The following ADSS2 variants were observed in gnomAD, a reference collection of about 807,000 sequenced individuals.
ADSS2 encodes adenylosuccinate synthase 2.
Under a neutral mutation model 60.0 loss-of-function variants are expected in ADSS2, and 30 were observed. That is an observed-to-expected ratio of 0.50 (90% CI 0.37 to 0.68). The LOEUF (loss-of-function observed/expected upper bound fraction) is 0.68, where lower values mean the gene tolerates loss of function less well. ADSS2 is among the 30% of genes least tolerant of loss of function. The probability of loss-of-function intolerance (pLI) is 0.00; values close to 1 mark genes in which losing one functional copy is unlikely to be tolerated. For synonymous variants in ADSS2, 187 were observed against 193.1 expected (o/e 0.97, Z 0.26); for missense variants, 373 against 554.8 (o/e 0.67, Z 3.29).
At chr1:244,451,959 C>T (rs1252695382), upstream of ADSS2, 2 of 867,068 alleles carry the variant, frequency 2.3e-6, no homozygotes, top group South Asian at 2.0e-5. The surrounding 1 kb of genome is among the most constrained non-coding windows in gnomAD (Gnocchi z 6.6). Flanking sequence ...GGGCCGCCAC[C>T]CTCCAGCCAG....
At chr1:244,420,407 T>C (rs780893723) in intron 7 of ADSS2, 111 bp from the exon 8 acceptor site, 144 of 930,930 alleles carry the variant, frequency 1.5e-4, no homozygotes, top group African/African-American at 1.8e-4. Flanking sequence ...AAACGCAAAG[T>C]AGAAAAGGGC....
In ADSS2 at chr1:244,409,546, C is replaced by G; in HGVS notation, c.*40G>C. The G allele has an allele frequency of 6.7e-7, 1 of 1,483,120 alleles. No individual in the cohort carries two copies. Among genetic ancestry groups the G allele is most frequent in the Non-Finnish European group, 9.4e-7 (1 of 1,069,276 alleles). The allele number at this position is 1,483,120 out of a possible 1,614,324, so 91.9% of individuals were successfully genotyped here. A position where few individuals can be genotyped will look rare whatever the true frequency, so the allele number is the denominator to read the frequency against. ...TGAAATATTTAAGAAAGTCTTTTCC[C>G]CTCCCTCTCAAGGAGTGTTTCTTGC... On this transcript the variant is annotated 3_prime_UTR_variant, in exon 13 of 13. Coordinates refer to ENST00000366535, the MANE Select transcript of ADSS2 (RefSeq NM_001126.5).
rs1045684039 is a variant in ADSS2, at chr1:244,420,036, C to A, written c.790+134G>T. 3.0e-5 allele frequency: 28 copies of A among 919,048 alleles called. No homozygotes were observed. The East Asian group carries it at 7.2e-4, about 23-fold the overall frequency. The allele number at this position is 919,048 out of a possible 1,614,324, so 56.9% of individuals were successfully genotyped here. Reference sequence around the variant, plus strand: ...CTTTAAAAAGAGTGCCACAAGATGACAAATTTCATCATTCCTGAATATACA... The same window carrying A: ...CTTTAAAAAGAGTGCCACAAGATGAAAAATTTCATCATTCCTGAATATACA... On this transcript the variant is annotated intron_variant, in intron 8 of 12. Coordinates refer to ENST00000366535, the MANE Select transcript of ADSS2 (RefSeq NM_001126.5).
At chr1:244,416,931 TAACA>T (rs1455306878) in intron 10 of ADSS2, among the ~76,000 whole-genome samples, 1 of 152,202 alleles carries the variant, frequency 6.6e-6, no homozygotes, top group Non-Finnish European at 1.5e-5. Context: ...AGAAATTAGA[TAACA>T]AACTAAATTT....
intron 11 of ADSS2, among the ~76,000 whole-genome samples, chr1:244,413,726 A>G (rs1240441217): frequency 6.6e-6 from 1 of 152,112 alleles, no homozygotes; most frequent in East Asian, 1.9e-4. Flanking sequence ...GGCTTACCAG[A>G]CCTCAGCTGC....
chr1:244,437,677 G>T lies in ADSS2; in HGVS notation c.275C>A (p.Thr92Asn). 6.3e-7 allele frequency: 1 copy of T among 1,584,510 alleles called. No individual in the cohort carries two copies. ...GTTTATATACTTACCAATGAATGCA[G>T]TGACATTTGGATTAATTATTCCACT... ...LPSGIINPNV[T>N]AFIGNGVVIH... is the part of the protein sequence containing the mutation. Residue 92 changes from threonine (T) to asparagine (N), a missense_variant, in exon 2 of 13, where the codon ACT (threonine) becomes AAT (asparagine). Physicochemically the swap from Thr to Asn is moderately conservative, Grantham distance 65. Coordinates refer to ENST00000366535, the MANE Select transcript of ADSS2 (RefSeq NM_001126.5).
chr1:244,446,308 A>G (rs944793501), intron 1 of ADSS2, among the ~76,000 whole-genome samples: 1 of 152,246 alleles, frequency 6.6e-6, no homozygotes, highest in Non-Finnish European at 1.5e-5. Flanking sequence ...TCATGAAAGC[A>G]TTCACATAAC....
intron 3 of ADSS2, among the ~76,000 whole-genome samples, chr1:244,434,747 A>G (rs139517169): frequency 6.6e-6 from 1 of 152,328 alleles, no homozygotes; most frequent in Non-Finnish European, 1.5e-5. Context: ...AGATGAGAGC[A>G]GAGAGCAGCA....
chr1:244,449,466 T>C (rs1665477242), intron 1 of ADSS2, among the ~76,000 whole-genome samples: 1 of 152,206 alleles, frequency 6.6e-6, no homozygotes, highest in African/African-American at 2.4e-5. Context: ...TGTCTTACTG[T>C]TGATTTTTTC....
chr1:244,415,927 G>T, intron 11 of ADSS2, 54 bp downstream of exon 11: 1 of 1,286,914 alleles, frequency 7.8e-7, no homozygotes, highest in Non-Finnish European at 1.1e-6. Flanking sequence ...TTATGAAACT[G>T]CTCTAATACA....
At chr1:244,431,152 T>C (rs1016971799) in intron 4 of ADSS2, among the ~76,000 whole-genome samples, 2 of 152,144 alleles carry the variant, frequency 1.3e-5, no homozygotes, top group Admixed American at 1.3e-4. Flanking sequence ...CTCTATTGCT[T>C]CCTATATTAT....
chr1:244,421,612 T>C (rs540278436), intron 7 of ADSS2, among the ~76,000 whole-genome samples: 9 of 152,324 alleles, frequency 5.9e-5, no homozygotes, highest in Admixed American at 2.6e-4. Context: ...ACATATAAAA[T>C]GGAATTGAAA....
At chr1:244,429,819 T>C (rs943980737) in intron 4 of ADSS2, among the ~76,000 whole-genome samples, 5 of 151,800 alleles carry the variant, frequency 3.3e-5, no homozygotes, top group African/African-American at 9.7e-5. Flanking sequence ...GAGGTGGAGG[T>C]TGTAGTGAAC....
intron 1 of ADSS2, among the ~76,000 whole-genome samples, chr1:244,445,418 A>G (rs1385686251): frequency 6.6e-6 from 1 of 152,230 alleles, no homozygotes; most frequent in Admixed American, 6.5e-5. Context: ...GAGGAATGAT[A>G]TAATAGTATT....
intron 1 of ADSS2, among the ~76,000 whole-genome samples, chr1:244,447,860 A>C (rs1258203497): frequency 3.9e-5 from 6 of 152,228 alleles, no homozygotes; most frequent in Non-Finnish European, 8.8e-5. Context: ...TGATCTTGCC[A>C]CCCAGAATAC....
intron 4 of ADSS2, 169 bp from the exon 5 acceptor site, chr1:244,424,556 T>C: frequency 1.9e-6 from 1 of 532,810 alleles, no homozygotes; most frequent in Non-Finnish European, 3.3e-6. Context: ...AACTAGTACA[T>C]TAATATGAAA....
intron 6 of ADSS2, 64 bp downstream of exon 6, chr1:244,423,889 C>A: frequency 7.4e-7 from 1 of 1,354,360 alleles, no homozygotes; most frequent in Admixed American, 2.1e-5. Context: ...ATTTTGCACC[C>A]TAGATTTTAA....
At chr1:244,420,364 T>G in intron 7 of ADSS2, 68 bp from the exon 8 acceptor site, 1 of 1,383,834 alleles carries the variant, frequency 7.2e-7, no homozygotes, top group Non-Finnish European at 9.8e-7. Context: ...AGAACAAGAA[T>G]AAATTACCTG....
intron 8 of ADSS2, chr1:244,419,180 G>A (rs957891705): frequency 3.5e-6 from 1 of 288,972 alleles, no homozygotes; most frequent in East Asian, 5.9e-5. Context: ...CTTTATAGCA[G>A]CTACTCACTT....
Sources: gnomAD v4.1 joint callset for allele counts (sites outside exome capture counted in the v4.1 genomes callset) on GRCh38, gnomAD v4.1.1 for gene constraint, Gnocchi (gnomAD v3.1) non-coding constraint, MANE v1.5 for transcripts, NCBI Gene and HGNC (gene_info 2026-07-23, HGNC 2026-07-21) for gene names.